CC2D1A: variants seen among roughly 807,000 people sequenced by gnomAD.
The protein encoded by CC2D1A is coiled-coil and C2 domain containing 1A.
CC2D1A carries 68 observed loss-of-function variants against 123.8 expected under a neutral mutation model. That is an observed-to-expected ratio of 0.55 (90% CI 0.45 to 0.67). The LOEUF is 0.67. CC2D1A is among the 30% of genes least tolerant of loss of function. The pLI is 0.00. For synonymous variants in CC2D1A, 477 were observed against 528.0 expected (o/e 0.90, Z 1.32); for missense variants, 1,185 against 1,290.3 (o/e 0.92, Z 1.25).
chr19:13,914,961 C>T (rs1971152893), intron 6 of CC2D1A, among the ~76,000 whole-genome samples: 1 of 152,256 alleles, frequency 6.6e-6, no homozygotes, highest in Non-Finnish European at 1.5e-5. Flanking sequence ...CAAACACTTC[C>T]CTGGCAGGAA....
chr19:13,920,721 A>C, intron 13 of CC2D1A, 29 bp from the exon 14 acceptor site: 1 of 1,612,160 alleles, frequency 6.2e-7, no homozygotes, highest in Non-Finnish European at 8.5e-7. Context: ...TGGCCTGGGC[A>C]GCACCCATAG....
intron 7 of CC2D1A, 140 bp downstream of exon 7, chr19:13,918,334 T>G: frequency 8.4e-7 from 1 of 1,188,762 alleles, no homozygotes; most frequent in Non-Finnish European, 1.2e-6. Context: ...AGCCTCAGTT[T>G]ACCCCCTCTG....
intron 7 of CC2D1A, 38 bp downstream of exon 7, chr19:13,918,232 G>T: frequency 6.7e-7 from 1 of 1,501,450 alleles, no homozygotes; most frequent in Admixed American, 2.5e-5. Flanking sequence ...GAGGGATGGG[G>T]CAGGATGCTT....
chr19:13,911,706 A>ATTTTTTTTT (rs1055273535), intron 2 of CC2D1A, among the ~76,000 whole-genome samples: 1 of 88,552 alleles, frequency 1.1e-5, no homozygotes, highest in Non-Finnish European at 2.0e-5. Flanking sequence ...TGCCCAGCTA[A>ATTTTTTTTT]TTTTTTTTTT....
At chr19:13,908,084 C>T (rs890710669) in intron 1 of CC2D1A, among the ~76,000 whole-genome samples, 7 of 152,188 alleles carry the variant, frequency 4.6e-5, no homozygotes, top group African/African-American at 1.7e-4. Context: ...CGGCCCACTG[C>T]AACCTCCGCT....
chr19:13,927,521 G>T, intron 22 of CC2D1A: 1 of 514,772 alleles, frequency 1.9e-6, no homozygotes. Context: ...GCTCATGCCT[G>T]TAATCCCAGC....
chr19:13,930,222 T>C lies in CC2D1A; in HGVS notation c.2788-20T>C. On this transcript the variant is annotated intron_variant, in intron 27 of 28. Transcript: ENST00000318003. This position sits in a 1 kb window ranked among gnomAD's most constrained non-coding sequence, Gnocchi z 6.8. ...GGTGGGGCCTGCAGGGACTACCTGC[T>C]GAATGCCCATCCCCCACAGGATGCT... The C allele has an allele frequency of 6.2e-7, 1 of 1,613,752 alleles. No homozygotes were observed. The highest frequency in any genetic ancestry group is 1.3e-5 in the African/African-American group (1 of 74,994).
intron 14 of CC2D1A, among the ~76,000 whole-genome samples, chr19:13,921,815 G>A (rs1204214759): frequency 6.6e-6 from 1 of 152,180 alleles, no homozygotes; most frequent in Non-Finnish European, 1.5e-5. Flanking sequence ...TGAGGTGGGA[G>A]GATTCCTTGA....
At position 13,917,574 on chromosome 19, in the gene CC2D1A, T is replaced by A. The variant is rs141067800; in HGVS notation, c.749-496T>A. Among the ~76,000 whole-genome samples, 852 of 152,200 alleles carry A rather than the reference T, an allele frequency of 5.6e-3. 10 individuals carry two copies. The highest frequency in any genetic ancestry group is 0.02 in the African/African-American group (821 of 41,518). On this transcript the variant is annotated intron_variant, in intron 6 of 28. Transcript: ENST00000318003. ...GCCTGGCCAACATGGTGAAACCCCG[T>A]CTCTACTAAGAATACAAAAATTAGC...
Position 13,913,525 on chromosome 19 carries a change from C to T in CC2D1A, c.635C>T (p.Thr212Ile). 1 of 1,614,142 alleles carries T rather than the reference C, an allele frequency of 6.2e-7. No homozygotes were observed. Among genetic ancestry groups the T allele is most frequent in the Non-Finnish European group, 8.5e-7 (1 of 1,180,036 alleles). ...ACGCCTACCTACAGCCCTGCACCCACCCAGCCGGCCCCTAGAATCGCGTCA... is the reference window on the plus strand; with the variant it reads ...ACGCCTACCTACAGCCCTGCACCCATCCAGCCGGCCCCTAGAATCGCGTCA... ...ASTPTYSPAP[T>I]QPAPRIASAP... The change falls in exon 6 of 29, where the codon ACC becomes ATC. Residue 212 changes from threonine to isoleucine, a missense_variant. Coordinates refer to ENST00000318003, the MANE Select transcript of CC2D1A (RefSeq NM_017721.5).
chr19:13,919,144 C>T lies in CC2D1A; in HGVS notation c.1164C>T (p.Ala388=). 6.2e-7 allele frequency: 1 copy of T among 1,612,564 alleles called. No individual in the cohort carries two copies. The highest frequency in any genetic ancestry group is 8.5e-7 in the Non-Finnish European group (1 of 1,179,416). Residue 388 remains alanine, a synonymous_variant, in exon 11 of 29, where the codon GCC becomes GCT. Transcript: ENST00000318003. Reference sequence around the variant, plus strand: ...GGCCCTCGCAGCAATACCAAGATGCCATCCGAGCCCACAAGGCTGGCCGAG... The same window carrying T: ...GGCCCTCGCAGCAATACCAAGATGCTATCCGAGCCCACAAGGCTGGCCGAG... ...HERIVKQYQD[A]IRAHKAGRAV... is the part of the protein sequence containing the mutation.
chr19:13,919,240 C>T (rs376438125), intron 11 of CC2D1A, 38 bp downstream of exon 11: 2 of 1,519,700 alleles, frequency 1.3e-6, no homozygotes, highest in Non-Finnish European at 1.8e-6. Context: ...CCAGTAGGCC[C>T]CGCCCCCGTA....
At chr19:13,921,953 C>T (rs1158770292) in intron 14 of CC2D1A, among the ~76,000 whole-genome samples, 1 of 152,164 alleles carries the variant, frequency 6.6e-6, no homozygotes, top group South Asian at 2.1e-4. Flanking sequence ...ATGAAGACTG[C>T]ACCATCTGCC....
intron 2 of CC2D1A, 71 bp from the exon 3 acceptor site, chr19:13,912,252 G>A (rs1004268533): frequency 3.2e-5 from 47 of 1,471,134 alleles, no homozygotes; most frequent in South Asian, 2.1e-4. Context: ...ATCACCTAGC[G>A]TGTCCAGGAT....
intron 2 of CC2D1A, among the ~76,000 whole-genome samples, chr19:13,910,991 C>T (rs186168000): frequency 1.9e-3 from 294 of 151,986 alleles, no homozygotes; most frequent in Non-Finnish European, 3.0e-3. Flanking sequence ...AATGAATGAA[C>T]GATATCTATT....
chr19:13,913,114 C>A, intron 4 of CC2D1A, 54 bp from the exon 5 acceptor site: 3 of 1,511,552 alleles, frequency 2.0e-6, no homozygotes, highest in Non-Finnish European at 1.8e-6. Flanking sequence ...AAGGGGCTAA[C>A]AGGGGCATCC....
Position 13,906,248 on chromosome 19 carries a change from TGCG to T in CC2D1A, c.-187_-185del. 1 of 452,262 alleles carries T rather than the reference TGCG, an allele frequency of 2.2e-6. No homozygotes were observed. The highest frequency in any genetic ancestry group is 3.9e-6 in the Non-Finnish European group (1 of 258,150). The allele number at this position is 452,262 out of a possible 1,614,324, so 28.0% of individuals were successfully genotyped here. On this transcript the variant is annotated 5_prime_UTR_variant, in exon 1 of 29. Coordinates refer to ENST00000318003, the MANE Select transcript of CC2D1A (RefSeq NM_017721.5). This position sits in a 1 kb window ranked among gnomAD's most constrained non-coding sequence, Gnocchi z 4.1. ...GGCGAGCCCAGTGGCCGCGCTCCGG[TGCG>T]GCGGCGCCCGAGGCCCGAGGCGGAA...
At chr19:13,911,878 G>A (rs1327045299) in intron 2 of CC2D1A, among the ~76,000 whole-genome samples, 1 of 152,092 alleles carries the variant, frequency 6.6e-6, no homozygotes, top group Non-Finnish European at 1.5e-5. Flanking sequence ...AGCATGCCTG[G>A]CTAATTTTTT....
intron 4 of CC2D1A, 43 bp from the exon 5 acceptor site, chr19:13,913,125 C>A: frequency 6.5e-7 from 1 of 1,539,748 alleles, no homozygotes; most frequent in South Asian, 1.2e-5. Context: ...AGGGGCATCC[C>A]AAGTGGGGTC....
Sources: gnomAD v4.1 joint callset for allele counts (sites outside exome capture counted in the v4.1 genomes callset) on GRCh38, gnomAD v4.1.1 for gene constraint, Gnocchi (gnomAD v3.1) non-coding constraint, MANE v1.5 for transcripts, NCBI Gene and HGNC (gene_info 2026-07-23, HGNC 2026-07-21) for gene names.